RTN1: variants seen among roughly 807,000 people sequenced by gnomAD.
The protein encoded by RTN1 is reticulon 1.
A neutral mutation model predicts 65.5 loss-of-function variants in RTN1; 25 were observed. The observed-to-expected ratio is 0.38, with a 90% CI of 0.28 to 0.53. The LOEUF is 0.53. RTN1 is among the 20% of genes least tolerant of loss of function. The pLI, the probability that RTN1 is intolerant of heterozygous loss-of-function variation, is 0.79. For synonymous variants in RTN1, 471 were observed against 447.6 expected (o/e 1.05, Z -0.66); for missense variants, 983 against 1,025.4 (o/e 0.96, Z 0.57).
chr14:59,841,175 A>T (rs1887304849), intron 1 of RTN1, among the ~76,000 whole-genome samples: 1 of 152,226 alleles, frequency 6.6e-6, no homozygotes, highest in African/African-American at 2.4e-5. Flanking sequence ...GCCATGCAAC[A>T]ATCATTAAGA....
At chr14:59,756,555 A>G (rs1374912531) in intron 1 of RTN1, among the ~76,000 whole-genome samples, 1 of 152,150 alleles carries the variant, frequency 6.6e-6, no homozygotes, top group Admixed American at 6.5e-5. Flanking sequence ...GAGGGCTCTA[A>G]ATTTCCTTTA....
chr14:59,629,372 A>G (rs1315147644), intron 3 of RTN1, among the ~76,000 whole-genome samples: 1 of 152,238 alleles, frequency 6.6e-6, no homozygotes, highest in Non-Finnish European at 1.5e-5. Context: ...CATTAAAGAT[A>G]AAAGGACATC....
chr14:59,760,740 C>T (rs977772230), intron 1 of RTN1, among the ~76,000 whole-genome samples: 1 of 152,210 alleles, frequency 6.6e-6, no homozygotes, highest in Non-Finnish European at 1.5e-5. Context: ...ATGGACTGCA[C>T]AACGTGCTTC....
intron 3 of RTN1, among the ~76,000 whole-genome samples, chr14:59,651,734 A>AAAAC (rs754385867): frequency 2.6e-4 from 40 of 152,150 alleles, no homozygotes; most frequent in Non-Finnish European, 4.7e-4. Flanking sequence ...ACTCCATCTC[A>AAAAC]AAACAAACAA....
At chr14:59,737,512 A>G (rs1885024929) in intron 2 of RTN1, among the ~76,000 whole-genome samples, 1 of 152,190 alleles carries the variant, frequency 6.6e-6, no homozygotes, top group South Asian at 2.1e-4. Flanking sequence ...GAAATCAGAG[A>G]TGACACAAAG....
intron 3 of RTN1, among the ~76,000 whole-genome samples, chr14:59,617,940 C>A (rs991426341): frequency 3.3e-5 from 5 of 152,170 alleles, no homozygotes; most frequent in Admixed American, 1.3e-4. Context: ...GGCCTTGTCC[C>A]ATCTTCACAG....
At chr14:59,601,783 A>C (rs1431897001) in intron 8 of RTN1, among the ~76,000 whole-genome samples, 2 of 152,192 alleles carry the variant, frequency 1.3e-5, no homozygotes. Flanking sequence ...AATCCTAGAC[A>C]TTCTAATTCT....
rs779026681 is a variant in RTN1 at position 59,727,461 on chromosome 14, G to A, written c.1223C>T (p.Ser408Leu). Residue 408 changes from serine to leucine, a missense_variant, in exon 3 of 9, where the codon TCG becomes TTG. Ser to Leu is a moderately radical substitution (Grantham distance 145). Around this residue, in one of 2 missense-constraint regions of RTN1, gnomAD observed 818 missense variants for 801.8 expected, o/e 1.02. Transcript: ENST00000267484. This position sits in a 1 kb window ranked among gnomAD's most constrained non-coding sequence, Gnocchi z 4.2. Reference sequence around the variant, plus strand: ...CACCAGCTCGATCTCTGAGTCCCCCGACTCCGCGCTGCTGGCCTCGTGGTC... The same window carrying A: ...CACCAGCTCGATCTCTGAGTCCCCCAACTCCGCGCTGCTGGCCTCGTGGTC... ...PLDHEASSAE[S>L]GDSEIELVSE... The A allele has an allele frequency of 2.6e-6, 4 of 1,564,458 alleles. No individual in the cohort carries two copies. Among genetic ancestry groups the A allele is most frequent in the Admixed American group, 3.8e-5 (2 of 52,952 alleles).
chr14:59,776,016 T>C (rs918906098), intron 1 of RTN1, among the ~76,000 whole-genome samples: 1 of 152,194 alleles, frequency 6.6e-6, no homozygotes, highest in Non-Finnish European at 1.5e-5. Flanking sequence ...CATATTATAA[T>C]AAAGTTTAGG....
At position 59,603,104 on chromosome 14, in the gene RTN1, A is replaced by G; in HGVS notation, c.2249T>C (p.Leu750Pro). Residue 750 changes from leucine to proline, a missense_variant, in exon 8 of 9, where the codon CTG becomes CCG. Physicochemically the swap from Leu to Pro is moderately conservative, Grantham distance 98. Transcript: ENST00000267484. The part of the protein sequence containing the change: ...VKHQAQIDQY[L>P]GLVRTHINAV... The stretch of plus-strand genomic sequence containing the variant: ...ATTTATGTGAGTCCTCACAAGTCCC[A>G]GATATTGGTCAATCTGTGCCTACAT... The G allele has an allele frequency of 6.2e-7, 1 of 1,613,626 alleles. No individual in the cohort carries two copies. The highest frequency in any genetic ancestry group is 8.5e-7 in the Non-Finnish European group (1 of 1,179,792).
At chr14:59,697,763 T>C (rs1165881964) in intron 3 of RTN1, among the ~76,000 whole-genome samples, 1 of 152,114 alleles carries the variant, frequency 6.6e-6, no homozygotes, top group African/African-American at 2.4e-5. Context: ...TTAACACAAG[T>C]CAACAGCGTG....
chr14:59,759,894 T>C (rs1885714170), intron 1 of RTN1, among the ~76,000 whole-genome samples: 1 of 152,174 alleles, frequency 6.6e-6, no homozygotes, highest in Admixed American at 6.5e-5. Context: ...ATTCTCACAC[T>C]AGGAGGAGGC....
At chr14:59,792,694 G>A (rs751427627) in intron 1 of RTN1, among the ~76,000 whole-genome samples, 18 of 151,918 alleles carry the variant, frequency 1.2e-4, no homozygotes, top group East Asian at 3.9e-4. Flanking sequence ...ACTTTAACCC[G>A]GTCACACTTA....
At chr14:59,795,410 A>G (rs1221745104) in intron 1 of RTN1, among the ~76,000 whole-genome samples, 3 of 152,150 alleles carry the variant, frequency 2.0e-5, no homozygotes, top group Admixed American at 6.6e-5. Context: ...AATACATAAA[A>G]TCTAACTGGG....
chr14:59,671,304 T>C (rs899241195), intron 3 of RTN1, among the ~76,000 whole-genome samples: 1 of 152,190 alleles, frequency 6.6e-6, no homozygotes, highest in African/African-American at 2.4e-5. Flanking sequence ...TAAACCCCTA[T>C]TAGCTATAGG....
chr14:59,781,059 C>T (rs1043393603), intron 1 of RTN1, among the ~76,000 whole-genome samples: 2 of 152,122 alleles, frequency 1.3e-5, no homozygotes, highest in Admixed American at 1.3e-4. Flanking sequence ...AGTCCTTTTA[C>T]TTCCACCATC....
intron 3 of RTN1, among the ~76,000 whole-genome samples, chr14:59,714,792 C>T (rs1463288508): frequency 1.3e-5 from 2 of 152,214 alleles, no homozygotes; most frequent in African/African-American, 2.4e-5. Context: ...GTCCCCAAAC[C>T]CCTGGCCGCA....
At chr14:59,860,016 A>C (rs963417771) in intron 1 of RTN1, among the ~76,000 whole-genome samples, 19 of 152,322 alleles carry the variant, frequency 1.2e-4, no homozygotes, top group African/African-American at 4.1e-4. Flanking sequence ...GTGATAGAAA[A>C]CCCAATTTTC....
intron 1 of RTN1, among the ~76,000 whole-genome samples, chr14:59,780,417 A>G (rs1333151803): frequency 6.6e-6 from 1 of 152,242 alleles, no homozygotes; most frequent in Non-Finnish European, 1.5e-5. Context: ...TTTATATCCA[A>G]TTGTCATGAA....
Sources: gnomAD v4.1 joint callset for allele counts (sites outside exome capture counted in the v4.1 genomes callset) on GRCh38, gnomAD v4.1.1 for gene constraint, gnomAD v4.1.1 regional missense constraint, Gnocchi (gnomAD v3.1) non-coding constraint, MANE v1.5 for transcripts, NCBI Gene and HGNC (gene_info 2026-07-23, HGNC 2026-07-21) for gene names.